Variants in USH2A observed in about 807,000 individuals in gnomAD.
USH2A encodes the protein Usher syndrome 2A (autosomal recessive, mild).
A neutral mutation model predicts 538.9 loss-of-function variants in USH2A; 443 were observed. The observed-to-expected ratio is 0.82, with a 90% confidence interval of 0.76 to 0.89. The LOEUF (loss-of-function observed/expected upper bound fraction) is 0.89, where lower values mean the gene tolerates loss of function less well. USH2A is among the 40% of genes least tolerant of loss of function. The pLI, the probability that USH2A is intolerant of heterozygous loss-of-function variation, is 0.00. For missense variants in USH2A, 6,633 were observed against 6,324.8 expected, an observed-to-expected ratio of 1.05 and a Z score of -1.65; for synonymous variants, 2,413 against 2,273.5, an observed-to-expected ratio of 1.06 and a Z score of -1.75.
chr1:215,836,486 TATTATATATATA>T (rs1381828159), intron 47 of USH2A, among the ~76,000 whole-genome samples: 2 of 2,888 alleles, frequency 6.9e-4, no homozygotes, highest in African/African-American at 1.1e-3. Flanking sequence ...ATATAATATA[TATTATATATATA>T]ATATATATTA....
At position 215,758,780 on chromosome 1, in the gene USH2A, G is replaced by A. The variant is rs755454843; in HGVS notation, c.11232-28C>T. On this transcript the variant is annotated intron_variant, in intron 57 of 71. Transcript: ENST00000307340. Reference sequence around the variant, plus strand: ...ATATTTAAAAAGAAAGAAGAATTGTGGTAAGGCCATGCACAAGAGACTTGA... The same window carrying A: ...ATATTTAAAAAGAAAGAAGAATTGTAGTAAGGCCATGCACAAGAGACTTGA... The A allele has an allele frequency of 8.1e-6, 13 of 1,609,448 alleles. No homozygotes were observed. The Admixed American group carries it at 1.8e-4, about 23-fold the overall frequency.
chr1:216,161,388 C>G (rs897476811), intron 21 of USH2A, among the ~76,000 whole-genome samples: 4 of 152,046 alleles, frequency 2.6e-5, no homozygotes, highest in African/African-American at 9.7e-5. Context: ...TAATCTGAAT[C>G]CTTGATCTAC....
Position 215,970,776 on chromosome 1 carries a change from C to G in USH2A, c.6806G>C (p.Gly2269Ala), listed in dbSNP as rs1376970919. ...ATATAATCCATAACTCGTGATAACACCTGGGAAGATAATAATTGCCTTTCA... is the reference window on the plus strand; with the variant it reads ...ATATAATCCATAACTCGTGATAACAGCTGGGAAGATAATAATTGCCTTTCA... ...VSWTEPEYPN[G>A]VITSYGLYLD... Residue 2269 changes from glycine to alanine, a missense_variant and splice_region_variant, in exon 36 of 72, where the codon GGT becomes GCT. Physicochemically the swap from Gly to Ala is moderately conservative, Grantham distance 60. Transcript: ENST00000307340. 6.2e-7 allele frequency: 1 copy of G among 1,613,178 alleles called. No homozygotes were observed. The highest frequency in any genetic ancestry group is 8.5e-7 in the Non-Finnish European group (1 of 1,179,428).
intron 3 of USH2A, among the ~76,000 whole-genome samples, chr1:216,409,546 A>T (rs1161383301): frequency 6.6e-6 from 1 of 152,034 alleles, no homozygotes; most frequent in Non-Finnish European, 1.5e-5. Flanking sequence ...TAGACCGAAG[A>T]AAAAGAATAG....
At chr1:216,081,908 A>T (rs12083640) in intron 26 of USH2A, among the ~76,000 whole-genome samples, 1,926 of 147,290 alleles carry the variant, frequency 0.013, 37 homozygotes, top group African/African-American at 0.045. Flanking sequence ...TAATTTTTTA[A>T]TTTTTTTTTT....
intron 22 of USH2A, 35 bp downstream of exon 22, chr1:216,097,048 C>T (rs1445780771): frequency 1.3e-6 from 2 of 1,587,784 alleles, no homozygotes; most frequent in Non-Finnish European, 8.6e-7. Context: ...CTACTAAATT[C>T]TTAAAAATAT....
chr1:215,721,228 C>T (rs893307328), intron 61 of USH2A, among the ~76,000 whole-genome samples: 6 of 152,080 alleles, frequency 3.9e-5, no homozygotes, highest in African/African-American at 9.7e-5. Flanking sequence ...GCACCAGCCA[C>T]CATGCTTGGC....
intron 15 of USH2A, among the ~76,000 whole-genome samples, chr1:216,214,565 A>AAATGGGCACC (rs2102492156): frequency 6.6e-6 from 1 of 152,184 alleles, no homozygotes; most frequent in South Asian, 2.1e-4. Context: ...GATTGACTGG[A>AAATGGGCACC]AATGGGCACA....
intron 13 of USH2A, among the ~76,000 whole-genome samples, chr1:216,243,801 T>C (rs1240059209): frequency 6.6e-6 from 1 of 152,140 alleles, no homozygotes; most frequent in Non-Finnish European, 1.5e-5. Context: ...TTTCAGTAAA[T>C]AAAAATATTT....
intron 3 of USH2A, among the ~76,000 whole-genome samples, chr1:216,415,169 C>T (rs1237401355): frequency 1.3e-5 from 2 of 152,106 alleles, no homozygotes; most frequent in East Asian, 1.9e-4. Context: ...CACAACTCAA[C>T]AGCTTGCCAT....
At position 215,782,741 on chromosome 1, in the gene USH2A, T is replaced by C. The variant is rs762885637; in HGVS notation, c.10582A>G (p.Asn3528Asp). The change falls in exon 53 of 72, where the codon AAT becomes GAT. Residue 3528 changes from asparagine to aspartate, a missense_variant. Transcript: ENST00000307340. The part of the protein sequence containing the change: ...VLNWRKPIQS[N>D]GPIIYYILLR... ...TATTTTAAAGGTATCTCAATACCAT[T>C]TGATTGTATAGGTTTTCTCCAGTTT... is the stretch of plus-strand genomic sequence containing the variant. The C allele has an allele frequency of 6.2e-7, 1 of 1,613,388 alleles. No homozygotes were observed. Among genetic ancestry groups the C allele is most frequent in the South Asian group, 1.1e-5 (1 of 91,064 alleles).
intron 3 of USH2A, among the ~76,000 whole-genome samples, chr1:216,389,288 T>A (rs933690957): frequency 2.0e-5 from 3 of 152,218 alleles, no homozygotes; most frequent in Non-Finnish European, 2.9e-5. Context: ...TGCCACTTTT[T>A]AAAAATCTCC....
intron 21 of USH2A, among the ~76,000 whole-genome samples, chr1:216,158,509 C>T (rs301754): frequency 0.89 from 134,691 of 152,124 alleles, 59,784 homozygotes; most frequent in East Asian, 0.98. Context: ...GCTGGAATTA[C>T]AGGTGTGAGC....
chr1:216,143,213 TATTTA>T (rs2033632865), intron 21 of USH2A, among the ~76,000 whole-genome samples: 1 of 152,206 alleles, frequency 6.6e-6, no homozygotes, highest in Non-Finnish European at 1.5e-5. Flanking sequence ...ATCTTCACCT[TATTTA>T]TTTTATCCTT....
In USH2A at chr1:216,217,521, C is replaced by A. The variant is rs2035366430; in HGVS notation, c.3023G>T (p.Gly1008Val). The A allele has an allele frequency of 6.2e-7, 1 of 1,612,944 alleles. No homozygotes were observed. The highest frequency in any genetic ancestry group is 1.3e-5 in the African/African-American group (1 of 74,860). The stretch of plus-strand genomic sequence containing the variant: ...CAAGTGACAGGTTTCATTCAAGGCT[C>A]CTGAGAGATGACAATTACAAGGCTG... ...RCQPCNCHLS[G>V]ALNETCHLVT... is the part of the protein sequence containing the mutation. The change falls in exon 15 of 72, where the codon GGA becomes GTA. Residue 1008 changes from glycine (G) to valine (V), a missense_variant. Coordinates refer to ENST00000307340, the MANE Select transcript of USH2A (RefSeq NM_206933.4).
intron 13 of USH2A, among the ~76,000 whole-genome samples, chr1:216,237,640 T>A (rs2035855432): frequency 6.6e-6 from 1 of 152,138 alleles, no homozygotes; most frequent in African/African-American, 2.4e-5. Flanking sequence ...ATGAGAATAA[T>A]CCCAGCACCT....
intron 20 of USH2A, among the ~76,000 whole-genome samples, chr1:216,177,919 C>A (rs180960400): frequency 1.3e-5 from 2 of 152,022 alleles, no homozygotes; most frequent in African/African-American, 4.8e-5. Flanking sequence ...TTATTAAGGG[C>A]CCAAACTACA....
intron 34 of USH2A, among the ~76,000 whole-genome samples, chr1:215,995,141 A>T (rs1668105009): frequency 6.6e-6 from 1 of 152,150 alleles, no homozygotes; most frequent in South Asian, 2.1e-4. Context: ...ACTATACAAC[A>T]TATAAGTATA....
chr1:215,800,766 A>T (rs1662303230), intron 49 of USH2A, among the ~76,000 whole-genome samples: 1 of 152,172 alleles, frequency 6.6e-6, no homozygotes, highest in Non-Finnish European at 1.5e-5. Context: ...TTGGCCAAAA[A>T]TCCATCTCAC....
Sources: gnomAD v4.1 joint callset for allele counts (sites outside exome capture counted in the v4.1 genomes callset) on GRCh38, gnomAD v4.1.1 for gene constraint, MANE v1.5 for transcripts, NCBI Gene and HGNC (gene_info 2026-07-23, HGNC 2026-07-21) for gene names.